The following HMCN1 variants were observed in gnomAD, a reference collection of about 807,000 sequenced individuals.
The protein encoded by HMCN1 is hemicentin-1.
HMCN1 carries 321 observed loss-of-function variants against 625.9 expected under a neutral mutation model. The observed-to-expected ratio is 0.51, with a 90% CI of 0.47 to 0.56. HMCN1 has a LOEUF of 0.56. HMCN1 is among the 20% of genes least tolerant of loss of function. The pLI, the probability that HMCN1 is intolerant of heterozygous loss-of-function variation, is 0.00. For synonymous variants in HMCN1, 2,425 were observed against 2,417.6 expected (o/e 1.00, Z -0.09); for missense variants, 6,588 against 6,887.3 (o/e 0.96, Z 1.54).
intron 1 of HMCN1, among the ~76,000 whole-genome samples, chr1:185,819,237 C>CAAAAAAAAAAAAA (rs575598587): frequency 2.4e-5 from 3 of 125,138 alleles, no homozygotes; most frequent in Admixed American, 8.2e-5. Flanking sequence ...ATCTCCATCT[C>CAAAAAAAAAAAAA]AAAAAAAAAA....
intron 1 of HMCN1, among the ~76,000 whole-genome samples, chr1:185,790,866 CTTATTTATTTAT>C (rs539101015): frequency 6.6e-6 from 1 of 152,054 alleles, no homozygotes; most frequent in Non-Finnish European, 1.5e-5. Context: ...TAAGCCTTAG[CTTATTTATTTAT>C]TTATTTGTTT....
intron 1 of HMCN1, among the ~76,000 whole-genome samples, chr1:185,829,301 A>T (rs1660709826): frequency 6.7e-6 from 1 of 149,194 alleles, no homozygotes; most frequent in East Asian, 1.9e-4. Context: ...TAAAAAAAAT[A>T]AAAGGGGGAT....
At chr1:185,872,686 AT>A (rs1663694303) in intron 4 of HMCN1, among the ~76,000 whole-genome samples, 1 of 152,122 alleles carries the variant, frequency 6.6e-6, no homozygotes, top group African/African-American at 2.4e-5. Flanking sequence ...TGGGGAATAC[AT>A]GATTTAAAAG....
At chr1:185,912,469 A>T (rs372088950) in intron 6 of HMCN1, among the ~76,000 whole-genome samples, 2 of 152,150 alleles carry the variant, frequency 1.3e-5, no homozygotes, top group Admixed American at 6.6e-5. Context: ...CGGAGGAAAA[A>T]ATATACACTC....
chr1:185,815,732 A>G (rs936334414), intron 1 of HMCN1, among the ~76,000 whole-genome samples: 1 of 150,206 alleles, frequency 6.7e-6, no homozygotes, highest in African/African-American at 2.5e-5. Flanking sequence ...TGATGTGAGT[A>G]AGTTTCCTCT....
rs1653206909 is a variant in HMCN1 at position 186,001,629 on chromosome 1, T to C, written c.4236T>C (p.Asn1412=). 1.2e-6 allele frequency: 2 copies of C among 1,613,160 alleles called. No homozygotes were observed. The highest frequency in any genetic ancestry group is 1.7e-6 in the Non-Finnish European group (2 of 1,179,334). The change falls in exon 28 of 107, where the codon AAT becomes AAC. Residue 1412 remains asparagine (N), a synonymous_variant. Transcript: ENST00000271588. ...GCAGCACTATTCAGACTGTGAACAA[T>C]GGGAAGATACTGAAGCTCTTCAGAG... ...TESSTIQTVN[N]GKILKLFRAT... is the part of the protein sequence containing the mutation.
chr1:185,892,798 A>C (rs1390485656), intron 4 of HMCN1, among the ~76,000 whole-genome samples: 2 of 152,194 alleles, frequency 1.3e-5, no homozygotes, highest in Non-Finnish European at 2.9e-5. Context: ...GGTGGAGCCT[A>C]CAGAGGCAGG....
chr1:185,913,588 T>C (rs1354091685), intron 6 of HMCN1, among the ~76,000 whole-genome samples: 2 of 152,174 alleles, frequency 1.3e-5, no homozygotes, highest in African/African-American at 4.8e-5. Context: ...TAGTCCATTA[T>C]TGACTGTGAA....
rs917488167 is a variant in HMCN1 at position 186,018,368 on chromosome 1, G to A, written c.5470+16G>A. 1 of 1,608,922 alleles carries A rather than the reference G, an allele frequency of 6.2e-7. No individual in the cohort carries two copies. The highest frequency in any genetic ancestry group is 1.3e-5 in the African/African-American group (1 of 74,882). On this transcript the variant is annotated intron_variant, in intron 34 of 106. Transcript: ENST00000271588. ...ACTGTTCATGGTATGCTGAAGAAGGGACAGGAACTTTGCATCTTAAATTAA... is the reference window on the plus strand; with the variant it reads ...ACTGTTCATGGTATGCTGAAGAAGGAACAGGAACTTTGCATCTTAAATTAA...
At chr1:185,943,513 T>G (rs1421047266) in intron 11 of HMCN1, among the ~76,000 whole-genome samples, 1 of 152,182 alleles carries the variant, frequency 6.6e-6, no homozygotes, top group Non-Finnish European at 1.5e-5. Context: ...AATAGTTTTT[T>G]CCTTCCTTGT....
intron 63 of HMCN1, 131 bp downstream of exon 63, chr1:186,088,886 G>T: frequency 1.1e-6 from 1 of 903,318 alleles, no homozygotes. Flanking sequence ...ACTATCATCA[G>T]TTTTCTGTCT....
chr1:185,916,997 A>G (rs796584342), intron 6 of HMCN1, among the ~76,000 whole-genome samples: 31 of 152,230 alleles, frequency 2.0e-4, no homozygotes, highest in African/African-American at 7.2e-4. Context: ...CTCCCTTATT[A>G]CCCAGTAGGC....
chr1:186,069,589 A>G, intron 50 of HMCN1, 74 bp from the exon 51 acceptor site: 1 of 884,444 alleles, frequency 1.1e-6, no homozygotes, highest in Non-Finnish European at 1.9e-6. Context: ...AGAAGACGTA[A>G]ACCCCTGATA....
chr1:186,063,102 A>ATATATATG (rs1286648495), intron 48 of HMCN1, among the ~76,000 whole-genome samples: 1 of 132,102 alleles, frequency 7.6e-6, no homozygotes, highest in African/African-American at 2.8e-5. Flanking sequence ...ATATATATAT[A>ATATATATG]TCACATTTTC....
chr1:185,743,965 G>T (rs963879115), intron 1 of HMCN1, among the ~76,000 whole-genome samples: 1 of 147,666 alleles, frequency 6.8e-6, no homozygotes, highest in Non-Finnish European at 1.5e-5. Context: ...GATTCTACTT[G>T]ATGACTTTAC....
At chr1:186,060,995 A>G (rs1657651881) in intron 46 of HMCN1, among the ~76,000 whole-genome samples, 1 of 152,090 alleles carries the variant, frequency 6.6e-6, no homozygotes, top group African/African-American at 2.4e-5. Context: ...TTAGCATAGC[A>G]TTCATGGGCC....
chr1:186,018,030 G>T (rs992715129), intron 33 of HMCN1, among the ~76,000 whole-genome samples, 153 bp from the exon 34 acceptor site: 1 of 151,912 alleles, frequency 6.6e-6, no homozygotes, highest in Non-Finnish European at 1.5e-5. Context: ...GTTAGGCCGG[G>T]TTTCCTTTTT....
intron 105 of HMCN1, among the ~76,000 whole-genome samples, chr1:186,184,243 C>T (rs908260932): frequency 5.3e-5 from 8 of 152,106 alleles, no homozygotes; most frequent in Non-Finnish European, 1.2e-4. Flanking sequence ...AACAATTATG[C>T]CTTTTTCTTT....
At chr1:185,953,359 C>T (rs1004718735) in intron 11 of HMCN1, among the ~76,000 whole-genome samples, 2 of 151,756 alleles carry the variant, frequency 1.3e-5, no homozygotes, top group Admixed American at 6.6e-5. Context: ...ACCCTTGAAA[C>T]GTGGGTGAAT....
Sources: allele counts gnomAD v4.1 joint callset (sites outside exome capture counted in the v4.1 genomes callset), GRCh38; gene constraint gnomAD v4.1.1; transcripts MANE v1.5; gene names NCBI Gene and HGNC (gene_info 2026-07-23, HGNC 2026-07-21).